The following CYP2B6 variants were observed in gnomAD, a reference collection of about 807,000 sequenced individuals.
The protein encoded by CYP2B6 is cytochrome P450 family 2 subfamily B member 6.
A neutral mutation model predicts 43.4 loss-of-function variants in CYP2B6; 35 were observed. The observed-to-expected ratio is 0.81, with a 90% CI of 0.62 to 1.07. The LOEUF (loss-of-function observed/expected upper bound fraction) is 1.07. Among genes scored for constraint, CYP2B6 ranks in the 50% least tolerant of loss-of-function variants. The probability of loss-of-function intolerance (pLI) is 0.00; values close to 1 mark genes in which losing one functional copy is unlikely to be tolerated. For synonymous variants in CYP2B6, 239 were observed against 239.2 expected, an observed-to-expected ratio of 1.00 and a Z score of 0.01; for missense variants, 624 against 632.8, an observed-to-expected ratio of 0.99 and a Z score of 0.15.
At chr19:40,995,228 T>C (rs1968983044) in intron 1 of CYP2B6, among the ~76,000 whole-genome samples, 1 of 152,170 alleles carries the variant, frequency 6.6e-6, no homozygotes, top group South Asian at 2.1e-4. Context: ...TGTCCGCATA[T>C]AAGATGCCAA....
At position 41,007,123 on chromosome 19, in the gene CYP2B6, C is replaced by A. The variant is rs944425202; in HGVS notation, c.645+58C>A. 10 of 1,539,902 alleles carry A rather than the reference C, an allele frequency of 6.5e-6. No homozygotes were observed. In the African/African-American group the frequency reaches 9.6e-5, roughly 15 times the overall value. Reference sequence around the variant, plus strand: ...GGGTGAGGTGAACACCCAGAACACACGAGAAAAGGATGACCTGTCTTGGGG... The same window carrying A: ...GGGTGAGGTGAACACCCAGAACACAAGAGAAAAGGATGACCTGTCTTGGGG... On this transcript the variant is annotated intron_variant, in intron 4 of 8. Transcript: ENST00000324071.
chr19:40,994,573 C>G (rs1042595753), intron 1 of CYP2B6, among the ~76,000 whole-genome samples: 3 of 152,010 alleles, frequency 2.0e-5, no homozygotes, highest in Admixed American at 2.0e-4. Flanking sequence ...GCAATCCTCC[C>G]ATCTCAATCT....
intron 3 of CYP2B6, among the ~76,000 whole-genome samples, chr19:41,006,332 T>TC: frequency 6.7e-6 from 1 of 149,654 alleles, no homozygotes; most frequent in Non-Finnish European, 1.5e-5. Context: ...TACATTTTTT[T>TC]TTTTTTTTTT....
At chr19:40,995,590 A>T (rs1359162914) in intron 1 of CYP2B6, among the ~76,000 whole-genome samples, 1 of 152,228 alleles carries the variant, frequency 6.6e-6, no homozygotes, top group Non-Finnish European at 1.5e-5. Flanking sequence ...TTTGGCATAA[A>T]GTATTATAGC....
rs1969392243 is a variant in CYP2B6 at position 41,017,730 on chromosome 19, C to T, written c.*903C>T. The T allele has an allele frequency of 6.6e-6, 1 of 152,176 alleles. No individual in the cohort carries two copies. The highest frequency in any genetic ancestry group is 1.5e-5 in the Non-Finnish European group (1 of 68,046). 9.4% of individuals were successfully genotyped at this position (152,176 alleles called of 1,614,324 possible). ...TATCTCTCCCCCAACAAAACCCATA[C>T]CTATCAAGCTGTCACTCCCCATACC... is the stretch of plus-strand genomic sequence containing the variant. On this transcript the variant is annotated 3_prime_UTR_variant, in exon 9 of 9. Transcript: ENST00000324071.
In CYP2B6 at chr19:41,016,874, C is replaced by T. The variant is rs1969378791; in HGVS notation, c.*47C>T. On this transcript the variant is annotated 3_prime_UTR_variant, in exon 9 of 9. Transcript: ENST00000324071. ...AAAGGATTCCAGGGTCATTCAGTGTCCCCGCCTCTGTAGACAATGGCTCTG... is the reference window on the plus strand; with the variant it reads ...AAAGGATTCCAGGGTCATTCAGTGTTCCCGCCTCTGTAGACAATGGCTCTG... 2.5e-6 allele frequency: 4 copies of T among 1,583,466 alleles called. No individual in the cohort carries two copies. The highest frequency in any genetic ancestry group is 1.1e-5 in the South Asian group (1 of 88,194).
intron 5 of CYP2B6, 73 bp from the exon 6 acceptor site, chr19:41,009,921 G>A: frequency 6.3e-7 from 1 of 1,597,764 alleles, no homozygotes; most frequent in Non-Finnish European, 8.6e-7. Flanking sequence ...AGGGCAGCCA[G>A]GGAGATGGGC....
At chr19:41,012,850 A>G (rs1390319342) in intron 8 of CYP2B6, 35 bp downstream of exon 8, 6 of 1,612,942 alleles carry the variant, frequency 3.7e-6, no homozygotes, top group Non-Finnish European at 5.1e-6. Context: ...CCCAGACACC[A>G]GAGGGCAGGT....
In CYP2B6 at chr19:41,014,197, C is replaced by T. The variant is rs189193601; in HGVS notation, c.1294+1382C>T. 1.4e-3 allele frequency among the ~76,000 whole-genome samples: 213 copies of T among 152,252 alleles called. 1 individual carries two copies. Among genetic ancestry groups the T allele is most frequent in the African/African-American group, 4.5e-3 (188 of 41,526 alleles). ...GGGTTTGGCCCAGCCCCCGGTTTTG[C>T]GCAGTACAGTGACCTCCTTCCACAT... is the stretch of plus-strand genomic sequence containing the variant. On this transcript the variant is annotated intron_variant, in intron 8 of 8. Coordinates refer to ENST00000324071, the MANE Select transcript of CYP2B6 (RefSeq NM_000767.5).
intron 5 of CYP2B6, 29 bp downstream of exon 5, chr19:41,009,424 G>A (rs758211050): frequency 4.7e-6 from 7 of 1,488,864 alleles, no homozygotes; most frequent in East Asian, 2.3e-5. Flanking sequence ...AAAAGGGAAG[G>A]GAGGGGAGGG....
intron 1 of CYP2B6, among the ~76,000 whole-genome samples, chr19:40,992,956 T>G (rs1419899699): frequency 2.0e-5 from 3 of 152,162 alleles, no homozygotes; most frequent in African/African-American, 7.2e-5. Context: ...TAAGGTCCAC[T>G]GTCCACAGAG....
intron 3 of CYP2B6, among the ~76,000 whole-genome samples, chr19:41,005,188 G>A (rs1392193521): frequency 1.3e-5 from 2 of 152,126 alleles, no homozygotes; most frequent in Admixed American, 1.3e-4. Context: ...TGTTCTGCCC[G>A]GGTGCAGCTG....
chr19:40,997,527 A>G (rs1969015936), intron 1 of CYP2B6, among the ~76,000 whole-genome samples: 1 of 152,116 alleles, frequency 6.6e-6, no homozygotes, highest in Non-Finnish European at 1.5e-5. Context: ...ATATGCCAAT[A>G]CTACTATGAA....
intron 7 of CYP2B6, 36 bp from the exon 8 acceptor site, chr19:41,012,638 A>G (rs201721014): frequency 8.7e-5 from 140 of 1,613,392 alleles, no homozygotes; most frequent in Middle Eastern, 3.3e-4. Flanking sequence ...GTTGGAGGGA[A>G]TGGCAATATC....
intron 1 of CYP2B6, among the ~76,000 whole-genome samples, chr19:40,995,277 T>C (rs1315607645): frequency 2.0e-5 from 3 of 152,166 alleles, no homozygotes; most frequent in Non-Finnish European, 2.9e-5. Flanking sequence ...AGCTTTGCCT[T>C]AAGGTCTCCA....
intron 5 of CYP2B6, 93 bp from the exon 6 acceptor site, chr19:41,009,900 TA>T: frequency 6.6e-7 from 1 of 1,509,540 alleles, no homozygotes; most frequent in Non-Finnish European, 9.1e-7. Flanking sequence ...CAAAGACCTT[TA>T]GGCCAACGGA....
At chr19:41,001,634 T>C (rs1969089953) in intron 1 of CYP2B6, among the ~76,000 whole-genome samples, 1 of 152,154 alleles carries the variant, frequency 6.6e-6, no homozygotes, top group African/African-American at 2.4e-5. Flanking sequence ...AGCTAGTATA[T>C]AATAAGTGCT....
chr19:41,016,099 A>G (rs1398774631), intron 8 of CYP2B6, among the ~76,000 whole-genome samples: 2 of 152,164 alleles, frequency 1.3e-5, no homozygotes, highest in Admixed American at 6.6e-5. Flanking sequence ...AAACTCTCTT[A>G]TATAAAAATG....
At chr19:41,002,553 T>C (rs570912111) in intron 1 of CYP2B6, among the ~76,000 whole-genome samples, 1 of 152,218 alleles carries the variant, frequency 6.6e-6, no homozygotes, top group South Asian at 2.1e-4. Context: ...TTTGTTTTTG[T>C]TTGTTTGTTC....
Sources: gnomAD v4.1 joint callset for allele counts (sites outside exome capture counted in the v4.1 genomes callset) on GRCh38, gnomAD v4.1.1 for gene constraint, MANE v1.5 for transcripts, NCBI Gene and HGNC (gene_info 2026-07-23, HGNC 2026-07-21) for gene names.